TICRR: variants seen among roughly 807,000 people sequenced by gnomAD.
The protein encoded by TICRR is treslin.
In TICRR, 132 loss-of-function variants were observed where a neutral mutation model predicts 178.1. The observed-to-expected ratio is 0.74, with a 90% CI of 0.64 to 0.86. The LOEUF is 0.86. TICRR is among the 40% of genes least tolerant of loss of function. The pLI is 0.00. For missense variants in TICRR, 2,587 were observed against 2,334.3 expected, an observed-to-expected ratio of 1.11 and a Z score of -2.23; for synonymous variants, 991 against 900.7, an observed-to-expected ratio of 1.10 and a Z score of -1.79.
At chr15:89,591,088 T>G (rs1434875292) in intron 4 of TICRR, among the ~76,000 whole-genome samples, 1 of 152,212 alleles carries the variant, frequency 6.6e-6, no homozygotes, top group Non-Finnish European at 1.5e-5. Flanking sequence ...TATTCTGCAG[T>G]TTTGTTACTG....
intron 14 of TICRR, among the ~76,000 whole-genome samples, chr15:89,608,294 T>TA (rs771580343): frequency 8.5e-5 from 13 of 152,050 alleles, no homozygotes; most frequent in Non-Finnish European, 1.8e-4. Context: ...TACAAACTAC[T>TA]AAAAACAGAC....
chr15:89,576,880 T>C (rs996182821), intron 1 of TICRR, among the ~76,000 whole-genome samples: 8 of 146,066 alleles, frequency 5.5e-5, no homozygotes, highest in African/African-American at 1.7e-4. Flanking sequence ...CACATATATA[T>C]ACACATTTAT....
At position 89,585,851 on chromosome 15, in the gene TICRR, C is replaced by T. The variant is rs376340305; in HGVS notation, c.1320C>T (p.Asp440=). 1.8e-4 allele frequency: 290 copies of T among 1,614,030 alleles called. 1 individual carries two copies. Among genetic ancestry groups the T allele is most frequent in the Non-Finnish European group, 2.4e-4 (279 of 1,180,038 alleles). ...ATGTTCTCCAAACAGCTGTGGCTGA[C>T]AGCCCCCGGGACACAGCTTCCCTTT... ...QRHVLQTAVA[D]SPRDTASLFS... Residue 440 remains aspartate (D), a synonymous_variant, in exon 4 of 22, where the codon GAC becomes GAT. Coordinates refer to ENST00000268138, the MANE Select transcript of TICRR (RefSeq NM_152259.4).
At chr15:89,587,192 G>A (rs1477767612) in intron 4 of TICRR, among the ~76,000 whole-genome samples, 2 of 152,132 alleles carry the variant, frequency 1.3e-5, no homozygotes, top group Non-Finnish European at 2.9e-5. Flanking sequence ...CTAAGCTACT[G>A]GTAGAAAGCA....
intron 14 of TICRR, among the ~76,000 whole-genome samples, chr15:89,607,398 T>C (rs1385976382): frequency 6.6e-6 from 1 of 152,140 alleles, no homozygotes; most frequent in Non-Finnish European, 1.5e-5. Context: ...ATAACGTACA[T>C]ACAGAGAGAA....
intron 1 of TICRR, among the ~76,000 whole-genome samples, chr15:89,579,597 C>T (rs1274055463): frequency 2.0e-5 from 3 of 152,124 alleles, no homozygotes; most frequent in East Asian, 1.9e-4. Context: ...CCACCCACCT[C>T]GGCCTCCCAA....
At chr15:89,615,709 A>G (rs1320423558) in intron 15 of TICRR, among the ~76,000 whole-genome samples, 1 of 152,196 alleles carries the variant, frequency 6.6e-6, no homozygotes, top group Non-Finnish European at 1.5e-5. Flanking sequence ...CTACTCTACT[A>G]AGAAATTTTA....
intron 15 of TICRR, among the ~76,000 whole-genome samples, chr15:89,616,065 A>G (rs564598039): frequency 3.9e-5 from 6 of 151,992 alleles, no homozygotes; most frequent in Non-Finnish European, 5.9e-5. Flanking sequence ...TTGTATGTTT[A>G]GTAGAGATAG....
intron 17 of TICRR, 135 bp from the exon 18 acceptor site, chr15:89,619,573 C>T: frequency 1.1e-6 from 1 of 885,188 alleles, no homozygotes; most frequent in South Asian, 1.7e-5. Context: ...CTTCAGAAGT[C>T]TCTTAAAGCT....
At chr15:89,605,511 C>A (rs140854471) in intron 13 of TICRR, among the ~76,000 whole-genome samples, 360 of 152,202 alleles carry the variant, frequency 2.4e-3, no homozygotes, top group African/African-American at 8.4e-3. Context: ...TGGCGTGCAC[C>A]ACCACGCCTG....
intron 21 of TICRR, among the ~76,000 whole-genome samples, chr15:89,626,295 A>G (rs895135370): frequency 6.6e-6 from 1 of 152,204 alleles, no homozygotes; most frequent in African/African-American, 2.4e-5. Context: ...CCTCCTGAAA[A>G]TGTTGACAGT....
chr15:89,596,531 G>C (rs139909340), intron 7 of TICRR, among the ~76,000 whole-genome samples: 47 of 152,278 alleles, frequency 3.1e-4, no homozygotes, highest in Non-Finnish European at 5.0e-4. Context: ...ATTTTTAGTA[G>C]AGACAGGGTT....
At chr15:89,604,899 G>T (rs1963152314) in intron 13 of TICRR, among the ~76,000 whole-genome samples, 5 of 151,900 alleles carry the variant, frequency 3.3e-5, no homozygotes, top group Admixed American at 3.3e-4. Context: ...ATTTTTAAAA[G>T]AATAAATCTC....
chr15:89,610,449 A>G (rs1963240015), intron 15 of TICRR, among the ~76,000 whole-genome samples: 1 of 152,162 alleles, frequency 6.6e-6, no homozygotes, highest in Non-Finnish European at 1.5e-5. Context: ...CTTCTTACCA[A>G]TAGGTAATGT....
At chr15:89,609,038 A>G in intron 15 of TICRR, 89 bp downstream of exon 15, 1 of 1,214,192 alleles carries the variant, frequency 8.2e-7, no homozygotes, top group Non-Finnish European at 1.1e-6. Flanking sequence ...TGATTTAGTA[A>G]TTTGAGTCTT....
chr15:89,593,106 T>C (rs144452123), intron 5 of TICRR, among the ~76,000 whole-genome samples: 94 of 152,328 alleles, frequency 6.2e-4, no homozygotes, highest in Middle Eastern at 6.8e-3. Flanking sequence ...TTTTAGATAC[T>C]TCGCATTTTC....
In TICRR at chr15:89,595,396, G is replaced by A. The variant is rs762463607; in HGVS notation, c.1685G>A (p.Gly562Glu). The change falls in exon 7 of 22, where the codon GGG (glycine) becomes GAG (glutamate). Residue 562 changes from glycine to glutamate, a missense_variant. Gly to Glu is a moderately conservative substitution (Grantham distance 98). Transcript: ENST00000268138. Reference sequence around the variant, plus strand: ...TCCTCTGATGTTGTTTTGGTAGGAGGGGTCCCTCGTACTCCAGTGAGACAG... The same window carrying A: ...TCCTCTGATGTTGTTTTGGTAGGAGAGGTCCCTCGTACTCCAGTGAGACAG... Reference protein sequence around the residue: ...AHQEDSKKKRGVPRTPVRQKM... With the variant: ...AHQEDSKKKREVPRTPVRQKM... The A allele has an allele frequency of 9.3e-6, 15 of 1,613,192 alleles. 1 individual carries two copies. Among genetic ancestry groups the A allele is most frequent in the Middle Eastern group, 1.7e-4 (1 of 5,934 alleles).
intron 4 of TICRR, among the ~76,000 whole-genome samples, chr15:89,586,245 G>A (rs1261041210): frequency 1.3e-5 from 2 of 152,158 alleles, no homozygotes; most frequent in African/African-American, 4.8e-5. Context: ...GTTACTACTA[G>A]CATTGCAACT....
At chr15:89,598,208 C>G (rs183165264) in intron 7 of TICRR, among the ~76,000 whole-genome samples, 1 of 151,988 alleles carries the variant, frequency 6.6e-6, no homozygotes, top group African/African-American at 2.4e-5. Flanking sequence ...CTCCTGACCT[C>G]GTGATCTGCC....
Sources: gnomAD v4.1 joint callset for allele counts (sites outside exome capture counted in the v4.1 genomes callset) on GRCh38, gnomAD v4.1.1 for gene constraint, MANE v1.5 for transcripts, NCBI Gene and HGNC (gene_info 2026-07-23, HGNC 2026-07-21) for gene names.